ANAPC1: variants seen among roughly 807,000 people sequenced by gnomAD.
The protein encoded by ANAPC1 is anaphase-promoting complex subunit 1.
ANAPC1 carries 36 observed loss-of-function variants against 208.0 expected under a neutral mutation model. The ratio of observed to expected loss-of-function variants is 0.17; its 90% CI spans 0.13 to 0.23. The LOEUF is 0.23. ANAPC1 is among the 10% of genes least tolerant of loss of function. The pLI is 1.00. For missense variants in ANAPC1, 942 were observed against 2,011.6 expected, an observed-to-expected ratio of 0.47 and a Z score of 10.17; for synonymous variants, 378 against 695.2, an observed-to-expected ratio of 0.54 and a Z score of 7.18.
intron 14 of ANAPC1, among the ~76,000 whole-genome samples, chr2:111,850,456 G>A (rs756105827): frequency 2.6e-5 from 4 of 152,038 alleles, no homozygotes; most frequent in Non-Finnish European, 5.9e-5. Flanking sequence ...GTCAATCAAC[G>A]ATGGTACTCT....
chr2:111,826,877 T>C (rs1242431816), intron 21 of ANAPC1, among the ~76,000 whole-genome samples: 3 of 152,162 alleles, frequency 2.0e-5, no homozygotes, highest in African/African-American at 7.2e-5. Flanking sequence ...GCCAGGATGG[T>C]CTCGATCTCC....
At chr2:111,787,736 C>G (rs1443578884) in intron 39 of ANAPC1, among the ~76,000 whole-genome samples, 1 of 151,404 alleles carries the variant, frequency 6.6e-6, no homozygotes, top group Non-Finnish European at 1.5e-5. Flanking sequence ...CTCACTGCCA[C>G]TTCTAAATTG....
At chr2:111,851,458 C>A (rs1681391003) in intron 13 of ANAPC1, among the ~76,000 whole-genome samples, 1 of 151,954 alleles carries the variant, frequency 6.6e-6, no homozygotes, top group African/African-American at 2.4e-5. Context: ...ATAGTCAACA[C>A]ATTATATAAA....
At chr2:111,775,017 C>T (rs1448752125) in intron 46 of ANAPC1, among the ~76,000 whole-genome samples, 1 of 152,156 alleles carries the variant, frequency 6.6e-6, no homozygotes, top group Non-Finnish European at 1.5e-5. Flanking sequence ...CCTGTAATCC[C>T]AGCACTTTGG....
intron 28 of ANAPC1, among the ~76,000 whole-genome samples, chr2:111,814,498 T>TA (rs1679138021): frequency 1.3e-3 from 2 of 1,502 alleles, no homozygotes; most frequent in South Asian, 0.015. Context: ...CTCATTGTAA[T>TA]ACTCATATTT....
chr2:111,877,796 A>T (rs564036024), intron 3 of ANAPC1, among the ~76,000 whole-genome samples: 3 of 152,094 alleles, frequency 2.0e-5, no homozygotes, highest in Non-Finnish European at 4.4e-5. Flanking sequence ...AAAACAAATA[A>T]ATAAATAAAC....
At chr2:111,792,670 G>C (rs1677938915) in intron 37 of ANAPC1, 115 bp from the exon 38 acceptor site, 5 of 778,054 alleles carry the variant, frequency 6.4e-6, no homozygotes, top group Non-Finnish European at 1.0e-5. Flanking sequence ...AAAAAAATCT[G>C]GGCTGGGCAC....
intron 14 of ANAPC1, among the ~76,000 whole-genome samples, chr2:111,849,928 G>C (rs13397902): frequency 0.58 from 86,154 of 149,124 alleles, 25,857 homozygotes; most frequent in South Asian, 0.69. Context: ...TATCCTTTCT[G>C]CCTTTAAGAG....
In ANAPC1 at chr2:111,825,759, A is replaced by T. The variant is rs1455043144; in HGVS notation, c.2704+18T>A. On this transcript the variant is annotated intron_variant, in intron 22 of 47. Coordinates refer to ENST00000341068, the MANE Select transcript of ANAPC1 (RefSeq NM_022662.4). The stretch of plus-strand genomic sequence containing the variant: ...TTTACAAAAATTTGTTTCCAGAGGC[A>T]ACATTGCACCAACTTACCTATAGTT... 1 of 1,599,970 alleles carries T rather than the reference A, an allele frequency of 6.3e-7. No homozygotes were observed. Among genetic ancestry groups the T allele is most frequent in the African/African-American group, 1.3e-5 (1 of 74,336 alleles).
At position 111,825,629 on chromosome 2, in the gene ANAPC1, G is replaced by T. The variant is rs11897629; in HGVS notation, c.2704+148C>A. ...TAATCCTGATACCTGAAAATTAGTT[G>T]TGGACAAAAGACCGCAACAGACCAG... On this transcript the variant is annotated intron_variant, in intron 22 of 47. Coordinates refer to ENST00000341068, the MANE Select transcript of ANAPC1 (RefSeq NM_022662.4). 1,340 of 710,580 alleles carry T rather than the reference G, an allele frequency of 1.9e-3. 18 individuals are homozygous for T. Among genetic ancestry groups the T allele is most frequent in the African/African-American group, 0.018 (978 of 55,396 alleles). 44.0% of individuals were successfully genotyped at this position (710,580 alleles called of 1,614,324 possible). A position where few individuals can be genotyped will look rare whatever the true frequency, so the allele number is the denominator to read the frequency against.
chr2:111,882,285 A>G (rs1159609474), intron 1 of ANAPC1, among the ~76,000 whole-genome samples: 2 of 152,028 alleles, frequency 1.3e-5, no homozygotes, highest in Non-Finnish European at 2.9e-5. Context: ...CCCTGCAAGT[A>G]AAACACTTTA....
In ANAPC1 at chr2:111,834,723, G is replaced by C. The variant is rs1289365318; in HGVS notation, c.2265C>G (p.Leu755=). ...AAAAAATTGCAGGTATGTGAGTAAA[G>C]AGAAGTGTAGAAGAATCCAGACTGA... ...QNLSLDSSTL[L]FTHIPAIFFV... is the part of the protein sequence containing the mutation. The change falls in exon 19 of 48, where the codon CTC becomes CTG. Residue 755 remains leucine, a synonymous_variant. Coordinates refer to ENST00000341068, the MANE Select transcript of ANAPC1 (RefSeq NM_022662.4). The C allele has an allele frequency of 5.6e-6, 9 of 1,613,522 alleles. No homozygotes were observed. Among genetic ancestry groups the C allele is most frequent in the Non-Finnish European group, 7.6e-6 (9 of 1,179,774 alleles).
At chr2:111,790,487 T>C (rs1006487159) in intron 38 of ANAPC1, among the ~76,000 whole-genome samples, 7 of 152,006 alleles carry the variant, frequency 4.6e-5, no homozygotes, top group South Asian at 2.1e-4. Context: ...ACTTATATAA[T>C]AGAGGTGGTA....
intron 13 of ANAPC1, among the ~76,000 whole-genome samples, chr2:111,854,451 C>T (rs941374745): frequency 4.6e-5 from 7 of 152,134 alleles, no homozygotes; most frequent in African/African-American, 1.7e-4. Flanking sequence ...GCTGCATTAG[C>T]CCCTAACAAG....
chr2:111,816,287 A>G (rs2104416070), intron 27 of ANAPC1, among the ~76,000 whole-genome samples: 1 of 149,094 alleles, frequency 6.7e-6, no homozygotes, highest in Admixed American at 6.6e-5. Context: ...AAAAAAGGAA[A>G]CAAGAACCTT....
chr2:111,881,668 T>G (rs1683304693), intron 1 of ANAPC1, among the ~76,000 whole-genome samples: 1 of 152,238 alleles, frequency 6.6e-6, no homozygotes, highest in African/African-American at 2.4e-5. Flanking sequence ...ATAAGCATAA[T>G]TAGATTGTCC....
At chr2:111,778,102 A>G (rs1677084766) in intron 45 of ANAPC1, among the ~76,000 whole-genome samples, 2 of 152,350 alleles carry the variant, frequency 1.3e-5, no homozygotes, top group South Asian at 2.1e-4. Context: ...ATGTATTACT[A>G]ATTTGCCTAA....
intron 46 of ANAPC1, among the ~76,000 whole-genome samples, chr2:111,775,629 C>T (rs1247586684): frequency 5.7e-3 from 839 of 146,618 alleles, no homozygotes; most frequent in Non-Finnish European, 9.0e-3. Flanking sequence ...CCACCAAATG[C>T]GCTAAAGAGC....
At chr2:111,841,648 A>G (rs1041911448) in intron 17 of ANAPC1, among the ~76,000 whole-genome samples, 3 of 152,192 alleles carry the variant, frequency 2.0e-5, no homozygotes, top group Non-Finnish European at 4.4e-5. Flanking sequence ...GTCACATGGC[A>G]TCTTATAAGC....
Sources: gnomAD v4.1 joint callset for allele counts (sites outside exome capture counted in the v4.1 genomes callset) on GRCh38, gnomAD v4.1.1 for gene constraint, MANE v1.5 for transcripts, NCBI Gene and HGNC (gene_info 2026-07-23, HGNC 2026-07-21) for gene names.